The following CNTNAP1 variants were observed in gnomAD, a reference collection of about 807,000 sequenced individuals.
CNTNAP1 encodes the protein contactin-associated protein 1.
CNTNAP1 carries 80 observed loss-of-function variants against 161.5 expected under a neutral mutation model. The observed-to-expected ratio is 0.50, with a 90% CI of 0.41 to 0.60. CNTNAP1 has a LOEUF of 0.60. CNTNAP1 is among the 20% of genes least tolerant of loss of function. The pLI, the probability that CNTNAP1 is intolerant of heterozygous loss-of-function variation, is 0.00. For synonymous variants in CNTNAP1, 695 were observed against 733.1 expected, an observed-to-expected ratio of 0.95 and a Z score of 0.84; for missense variants, 1,464 against 1,854.8, an observed-to-expected ratio of 0.79 and a Z score of 3.87.
chr17:42,684,324 G>T (rs2052977726), intron 3 of CNTNAP1, 95 bp downstream of exon 3: 3 of 1,249,804 alleles, frequency 2.4e-6, no homozygotes, highest in South Asian at 2.7e-5. Flanking sequence ...AGGGGGTGGT[G>T]GTGAGGGCTC....
chr17:42,683,984 G>A, intron 2 of CNTNAP1, 52 bp from the exon 3 acceptor site: 1 of 1,613,228 alleles, frequency 6.2e-7, no homozygotes, highest in Non-Finnish European at 8.5e-7. Flanking sequence ...GGGGGCCTCC[G>A]GAGGACTTCG....
chr17:42,690,970 G>A, intron 13 of CNTNAP1, 28 bp downstream of exon 13: 3 of 1,612,488 alleles, frequency 1.9e-6, no homozygotes, highest in Non-Finnish European at 2.5e-6. Context: ...GGAGGTGGCG[G>A]AACTGGAGGA....
At chr17:42,693,659 T>C (rs2053120152) in intron 18 of CNTNAP1, 123 bp downstream of exon 18, 3 of 1,412,562 alleles carry the variant, frequency 2.1e-6, no homozygotes, top group Non-Finnish European at 1.9e-6. Context: ...CCTGGATTCC[T>C]GAGCTCTGAG....
rs1354232796 is a variant in CNTNAP1 at position 42,698,705 on chromosome 17, C to G, written c.3950C>G (p.Thr1317Ser). ...CATCGCTATAAGGGCTCCTACCATACCAATGAGCCCAAGGCTGCCCACGAG... is the reference window on the plus strand; with the variant it reads ...CATCGCTATAAGGGCTCCTACCATAGCAATGAGCCCAAGGCTGCCCACGAG... ...QNHRYKGSYH[T>S]NEPKAAHEYH... Residue 1317 changes from threonine to serine, a missense_variant, in exon 24 of 24, where the codon ACC (threonine) becomes AGC (serine). Transcript: ENST00000264638. 1.9e-6 allele frequency: 3 copies of G among 1,613,446 alleles called. No homozygotes were observed. The highest frequency in any genetic ancestry group is 2.5e-6 in the Non-Finnish European group (3 of 1,179,842).
In CNTNAP1 at chr17:42,693,123, A is replaced by AT. The variant is rs983158765; in HGVS notation, c.2753-166dup. 4.6e-5 allele frequency among the ~76,000 whole-genome samples: 7 copies of AT among 151,422 alleles called. No homozygotes were observed. In the East Asian group the frequency reaches 5.8e-4, roughly 13 times the overall value. ...AGGCGCCCGCCACCGTGCCCAGCTA[A>AT]TTTTTTTTGTATTTTTTAGTAGAGA... On this transcript the variant is annotated intron_variant, in intron 17 of 23. Transcript: ENST00000264638.
chr17:42,693,159 T>C (rs185387199), intron 17 of CNTNAP1, 138 bp from the exon 18 acceptor site: 30 of 1,032,170 alleles, frequency 2.9e-5, no homozygotes, highest in South Asian at 1.9e-4. Flanking sequence ...CGGGGTTTCA[T>C]CATGTTAGCC....
Position 42,686,941 on chromosome 17 carries a change from C to T in CNTNAP1, c.939C>T (p.Asn313=). 6.2e-7 allele frequency: 1 copy of T among 1,613,436 alleles called. No individual in the cohort carries two copies. Among genetic ancestry groups the T allele is most frequent in the Non-Finnish European group, 8.5e-7 (1 of 1,179,606 alleles). Reference sequence around the variant, plus strand: ...GTCTGGTGGGCGCCGCGCGGAAGAACCTGGCCTATCGGCATAACTTCCGCG... The same window carrying T: ...GTCTGGTGGGCGCCGCGCGGAAGAATCTGGCCTATCGGCATAACTTCCGCG... ...IGGLVGAARK[N]LAYRHNFRGC... The change falls in exon 7 of 24, where the codon AAC becomes AAT. Residue 313 remains asparagine (N), a synonymous_variant. Coordinates refer to ENST00000264638, the MANE Select transcript of CNTNAP1 (RefSeq NM_003632.3).
At position 42,686,982 on chromosome 17, in the gene CNTNAP1, T is replaced by A. The variant is rs1192548186; in HGVS notation, c.980T>A (p.Val327Glu). 1 of 1,614,008 alleles carries A rather than the reference T, an allele frequency of 6.2e-7. No homozygotes were observed. Among genetic ancestry groups the A allele is most frequent in the East Asian group, 2.2e-5 (1 of 44,890 alleles). Residue 327 changes from valine (V) to glutamate (E), a missense_variant, in exon 7 of 24, where the codon GTA becomes GAA. This residue lies in a region of CNTNAP1 where 1,383 missense variants were observed against 1,765.0 expected (regional missense o/e 0.78). Transcript: ENST00000264638. The stretch of plus-strand genomic sequence containing the variant: ...AACTTCCGCGGCTGCATAGAAAACG[T>A]AATCTTCAACCGCGTCAACATCGCA... The part of the protein sequence containing the change: ...RHNFRGCIEN[V>E]IFNRVNIADL...
chr17:42,684,589 T>C (rs1334261318), intron 3 of CNTNAP1, among the ~76,000 whole-genome samples: 3 of 151,900 alleles, frequency 2.0e-5, no homozygotes, highest in Non-Finnish European at 2.9e-5. Context: ...GAAGTCGAGA[T>C]TGGCTGGGTG....
intron 6 of CNTNAP1, among the ~76,000 whole-genome samples, chr17:42,686,486 T>TG (rs1567970572): frequency 2.7e-5 from 4 of 147,568 alleles, no homozygotes; most frequent in African/African-American, 9.9e-5. Flanking sequence ...TTTTTTTTTT[T>TG]TTTTTTTGTG....
intron 12 of CNTNAP1, 51 bp from the exon 13 acceptor site, chr17:42,690,688 G>A (rs375150402): frequency 1.7e-5 from 27 of 1,574,764 alleles, no homozygotes; most frequent in Non-Finnish European, 2.3e-5. Context: ...CAGGGAGATG[G>A]GTAGAGAATG....
rs370354894 is a variant in CNTNAP1, at chr17:42,684,181, C to T, written c.315C>T (p.Gly105=). The T allele has an allele frequency of 9.3e-6, 15 of 1,614,106 alleles. No homozygotes were observed. The highest frequency in any genetic ancestry group is 1.2e-5 in the Non-Finnish European group (14 of 1,180,016). The change falls in exon 3 of 24, where the codon GGC becomes GGT. Residue 105 remains glycine, a synonymous_variant. Coordinates refer to ENST00000264638, the MANE Select transcript of CNTNAP1 (RefSeq NM_003632.3). ...TCACACGTTACATGCTACTCTACGG[C>T]GACCGAGTGGACAGCTGGACACCGT... is the stretch of plus-strand genomic sequence containing the variant. The part of the protein sequence containing the change: ...DWVTRYMLLY[G]DRVDSWTPFY...
At chr17:42,684,590 T>C (rs1224565508) in intron 3 of CNTNAP1, among the ~76,000 whole-genome samples, 1 of 151,930 alleles carries the variant, frequency 6.6e-6, no homozygotes, top group Non-Finnish European at 1.5e-5. Context: ...AAGTCGAGAT[T>C]GGCTGGGTGT....
At chr17:42,688,805 C>CA (rs2053050021) in intron 9 of CNTNAP1, 71 bp from the exon 10 acceptor site, 3 of 1,584,910 alleles carry the variant, frequency 1.9e-6, no homozygotes, top group Non-Finnish European at 2.6e-6. Flanking sequence ...CTGGCTCCCC[C>CA]TCAGCATGTC....
chr17:42,685,967 T>TA lies in CNTNAP1; in HGVS notation c.727dup (p.Ile243AsnfsTer18). ...CTGCCCCACCCTCAGGCAGCAGCCCTATCCAGCCAAGACCAGGTCACACCA... is the reference window on the plus strand; with the variant it reads ...CTGCCCCACCCTCAGGCAGCAGCCCTAATCCAGCCAAGACCAGGTCACACCA... On this transcript the variant is annotated frameshift_variant, in exon 6 of 24. Transcript: ENST00000264638. LOFTEE classifies it high-confidence loss of function. The surrounding 1 kb of genome is among the most constrained non-coding windows in gnomAD (Gnocchi z 5.0). 1 of 1,614,130 alleles carries TA rather than the reference T, an allele frequency of 6.2e-7. No individual in the cohort carries two copies. The highest frequency in any genetic ancestry group is 8.5e-7 in the Non-Finnish European group (1 of 1,180,012).
chr17:42,698,065 T>C (rs1043484634), intron 23 of CNTNAP1, 115 bp downstream of exon 23: 38 of 1,162,102 alleles, frequency 3.3e-5, no homozygotes, highest in Non-Finnish European at 4.5e-5. Flanking sequence ...AGATGCACAA[T>C]GGCACAAAGG....
At position 42,693,292 on chromosome 17, in the gene CNTNAP1, C is replaced by A. The variant is rs751886273; in HGVS notation, c.2753-5C>A. The A allele has an allele frequency of 1.2e-6, 2 of 1,613,732 alleles. No individual in the cohort carries two copies. Among genetic ancestry groups the A allele is most frequent in the Non-Finnish European group, 1.7e-6 (2 of 1,179,768 alleles). The stretch of plus-strand genomic sequence containing the variant: ...ATTTCTTGACCTGTTGCCTACCCTT[C>A]CCAGGATCTGCAGAGCTTAAGAGAC... On this transcript the variant is annotated splice_region_variant and splice_polypyrimidine_tract_variant and intron_variant, in intron 17 of 23. Transcript: ENST00000264638.
At position 42,697,680 on chromosome 17, in the gene CNTNAP1, C is replaced by T. The variant is rs767189221; in HGVS notation, c.3695C>T (p.Thr1232Ile). The change falls in exon 22 of 24, where the codon ACT becomes ATT. Residue 1232 changes from threonine (T) to isoleucine (I), a missense_variant. By Grantham distance (89) the Thr-to-Ile change is moderately conservative (BLOSUM62 -1). Coordinates refer to ENST00000264638, the MANE Select transcript of CNTNAP1 (RefSeq NM_003632.3). ...KTHFRTPRPM[T>I]AELAEALRVQ... Reference sequence around the variant, plus strand: ...CACTTCCGAACCCCTCGACCCATGACTGCTGAGCTAGCTGAGGCCCTTCGA... The same window carrying T: ...CACTTCCGAACCCCTCGACCCATGATTGCTGAGCTAGCTGAGGCCCTTCGA... The T allele has an allele frequency of 3.7e-6, 6 of 1,614,094 alleles. No homozygotes were observed. Among genetic ancestry groups the T allele is most frequent in the Non-Finnish European group, 4.2e-6 (5 of 1,180,060 alleles).
At chr17:42,692,100 C>T (rs2053094777) in intron 16 of CNTNAP1, 109 bp downstream of exon 16, 1 of 1,181,064 alleles carries the variant, frequency 8.5e-7, no homozygotes, top group Non-Finnish European at 1.2e-6. Flanking sequence ...TGACAGGCAG[C>T]ATGGGAAGGG....
Sources: allele counts gnomAD v4.1 joint callset (sites outside exome capture counted in the v4.1 genomes callset), GRCh38; gene constraint gnomAD v4.1.1; regional missense constraint gnomAD v4.1.1; non-coding constraint Gnocchi (gnomAD v3.1); transcripts MANE v1.5; gene names NCBI Gene and HGNC (gene_info 2026-07-23, HGNC 2026-07-21).